The following CPT1C variants were observed in gnomAD, a reference collection of about 807,000 sequenced individuals.
CPT1C encodes carnitine palmitoyltransferase 1C.
In CPT1C, 61 loss-of-function variants were observed where a neutral mutation model predicts 97.3. The observed-to-expected ratio is 0.63, with a 90% CI of 0.51 to 0.78. CPT1C has a LOEUF of 0.78. CPT1C is among the 30% of genes least tolerant of loss of function. CPT1C has a pLI of 0.00. For synonymous variants in CPT1C, 469 were observed against 447.2 expected (o/e 1.05, Z -0.61); for missense variants, 975 against 1,065.5 (o/e 0.92, Z 1.18).
In CPT1C at chr19:49,700,704, T is replaced by G. The variant is rs1252613313; in HGVS notation, c.302T>G (p.Leu101Arg). Residue 101 changes from leucine to arginine, a missense_variant, in exon 5 of 20, where the codon CTC becomes CGC. Around this residue, in one of 3 missense-constraint regions of CPT1C, gnomAD observed 596 missense variants for 603.1 expected, o/e 0.99. Coordinates refer to ENST00000598293, the MANE Select transcript of CPT1C (RefSeq NM_001199753.2). ...LPDWGGQHHGLRGVLAAALFA... is the reference protein window; with the variant it reads ...LPDWGGQHHGRRGVLAAALFA... ...CGCAGGGGTGGACAACACCACGGGCTCCGGGGGGTCCTGGCAGCCGCGCTG... is the reference window on the plus strand; with the variant it reads ...CGCAGGGGTGGACAACACCACGGGCGCCGGGGGGTCCTGGCAGCCGCGCTG... The G allele has an allele frequency of 6.2e-7, 1 of 1,609,936 alleles. No individual in the cohort carries two copies. Among genetic ancestry groups the G allele is most frequent in the Non-Finnish European group, 8.5e-7 (1 of 1,180,018 alleles).
rs1245619458 is a variant in CPT1C at position 49,702,110 on chromosome 19, A to T, written c.693+476A>T. On this transcript the variant is annotated intron_variant, in intron 7 of 19. Coordinates refer to ENST00000598293, the MANE Select transcript of CPT1C (RefSeq NM_001199753.2). ...ATATTTATTTATAAATTATAAATAT[A>T]TATTTATTTATTTATAAATTATAAA... Among the ~76,000 whole-genome samples the T allele has an allele frequency of 1.3e-3, 40 of 31,758 alleles. 9 individuals carry two copies. Among genetic ancestry groups the T allele is most frequent in the Non-Finnish European group, 2.8e-3 (33 of 11,694 alleles). 20.8% of individuals were successfully genotyped at this position (31,758 alleles called of 152,430 possible). A position where few individuals can be genotyped will look rare whatever the true frequency, so the allele number is the denominator to read the frequency against.
At chr19:49,695,058 G>A (rs998876225) in intron 3 of CPT1C, among the ~76,000 whole-genome samples, 3 of 151,016 alleles carry the variant, frequency 2.0e-5, no homozygotes, top group Non-Finnish European at 4.4e-5. Context: ...GGAGAATGGC[G>A]TGAACCCAGG....
Position 49,713,048 on chromosome 19 carries a change from A to T in CPT1C, c.2210A>T (p.Lys737Ile). Residue 737 changes from lysine to isoleucine, a missense_variant, in exon 19 of 20, where the codon AAA (lysine) becomes ATA (isoleucine). By Grantham distance (102) the Lys-to-Ile change is moderately radical. Around this residue, in one of 3 missense-constraint regions of CPT1C, gnomAD observed 344 missense variants for 395.7 expected, o/e 0.87. Coordinates refer to ENST00000598293, the MANE Select transcript of CPT1C (RefSeq NM_001199753.2). ...GMITFHISSK[K>I]SSTKTDSHRL... ...ATCACCTTCCACATCTCCAGCAAAA[A>T]ATCAAGCACAAAAACGGTGAGACAA... 1 of 1,613,916 alleles carries T rather than the reference A, an allele frequency of 6.2e-7. No homozygotes were observed.
At chr19:49,700,178 C>T (rs541452701) in intron 4 of CPT1C, among the ~76,000 whole-genome samples, 1 of 143,970 alleles carries the variant, frequency 6.9e-6, no homozygotes, top group South Asian at 2.3e-4. Context: ...ACCCAGGAGG[C>T]GGAGCTTGCA....
At chr19:49,701,967 TA>T (rs1331960804) in intron 7 of CPT1C, among the ~76,000 whole-genome samples, 1 of 91,858 alleles carries the variant, frequency 1.1e-5, no homozygotes, top group Non-Finnish European at 1.9e-5. Flanking sequence ...TATTTATATA[TA>T]AATTTATAAA....
chr19:49,710,921 G>A (rs10404778), intron 16 of CPT1C, 64 bp downstream of exon 16: 40,506 of 1,536,124 alleles, frequency 0.026, 687 homozygotes, highest in African/African-American at 0.055. Flanking sequence ...ACTTGCAAAC[G>A]TTGATGGGAC....
At chr19:49,708,922 AC>A in intron 14 of CPT1C, 83 bp downstream of exon 14, 1 of 892,132 alleles carries the variant, frequency 1.1e-6, no homozygotes, top group South Asian at 1.4e-5. Flanking sequence ...CCTAATCTGA[AC>A]GTGAAAATCA....
rs2083399140 is a variant in CPT1C at position 49,704,666 on chromosome 19, C to T, written c.694-44C>T. 2.0e-6 allele frequency: 3 copies of T among 1,491,448 alleles called. No individual in the cohort carries two copies. The East Asian group carries it at 6.8e-5, about 34-fold the overall frequency. The allele number at this position is 1,491,448 out of a possible 1,614,324, so 92.4% of individuals were successfully genotyped here. A position where few individuals can be genotyped will look rare whatever the true frequency, so the allele number is the denominator to read the frequency against. ...CCCTGTCCTACTGTCCCTCCCCCAA[C>T]AGGCCCCAGCCCCTCACTGTGTGTC... On this transcript the variant is annotated intron_variant, in intron 7 of 19. Transcript: ENST00000598293.
chr19:49,693,937 T>C (rs1207583739), intron 3 of CPT1C, among the ~76,000 whole-genome samples: 6 of 152,120 alleles, frequency 3.9e-5, no homozygotes, highest in African/African-American at 7.2e-5. Flanking sequence ...TGGTAGTGGG[T>C]GCCTGTAGTT....
At position 49,700,870 on chromosome 19, in the gene CPT1C, T is replaced by G. The variant is rs1934638169; in HGVS notation, c.453+15T>G. Reference sequence around the variant, plus strand: ...AGACCTGGCTGGTATGGGAGGGGCATAGCCCTGCTCAGGCTCTCCTGGGAC... The same window carrying G: ...AGACCTGGCTGGTATGGGAGGGGCAGAGCCCTGCTCAGGCTCTCCTGGGAC... On this transcript the variant is annotated intron_variant, in intron 5 of 19. Coordinates refer to ENST00000598293, the MANE Select transcript of CPT1C (RefSeq NM_001199753.2). 6.2e-7 allele frequency: 1 copy of G among 1,609,792 alleles called. No homozygotes were observed. Among genetic ancestry groups the G allele is most frequent in the African/African-American group, 1.3e-5 (1 of 75,032 alleles).
Position 49,706,401 on chromosome 19 carries a change from G to T in CPT1C, c.1331G>T (p.Arg444Leu). The change falls in exon 12 of 20, where the codon CGG (arginine) becomes CTG (leucine). Residue 444 changes from arginine (R) to leucine (L), a missense_variant. Physicochemically the swap from Arg to Leu is moderately radical, Grantham distance 102 (BLOSUM62 -2). This residue lies in a region of CPT1C where 596 missense variants were observed against 603.1 expected (regional missense o/e 0.99). Transcript: ENST00000598293. This position sits in a 1 kb window ranked among gnomAD's most constrained non-coding sequence, Gnocchi z 4.8. ...TACGCCCATGCTCTGCTGGCCGGCCGGGGCCATGATCGGTGAGTGAGTCTT... is the reference window on the plus strand; with the variant it reads ...TACGCCCATGCTCTGCTGGCCGGCCTGGGCCATGATCGGTGAGTGAGTCTT... ...DAYAHALLAG[R>L]GHDRWFDKSF... is the part of the protein sequence containing the mutation. 3.4e-6 allele frequency: 5 copies of T among 1,487,018 alleles called. No individual in the cohort carries two copies. Among genetic ancestry groups the T allele is most frequent in the Non-Finnish European group, 4.4e-6 (5 of 1,126,134 alleles). 92.1% of individuals were successfully genotyped at this position (1,487,018 alleles called of 1,614,324 possible).
In CPT1C at chr19:49,705,050, C is replaced by T; in HGVS notation, c.815C>T (p.Ala272Val). 6.2e-7 allele frequency: 1 copy of T among 1,610,990 alleles called. No individual in the cohort carries two copies. The highest frequency in any genetic ancestry group is 8.5e-7 in the Non-Finnish European group (1 of 1,177,750). ...VTPTPLQAAR[A>V]GNAVHALLLY... ...CCCACGCCTCTGCAGGCAGCTCGCG[C>T]TGGGAATGCCGTCCATGCCCTCCTC... Residue 272 changes from alanine to valine, a missense_variant, in exon 9 of 20, where the codon GCT becomes GTT. This residue lies in a region of CPT1C where 596 missense variants were observed against 603.1 expected (regional missense o/e 0.99). Coordinates refer to ENST00000598293, the MANE Select transcript of CPT1C (RefSeq NM_001199753.2).
In CPT1C at chr19:49,713,588, A is replaced by G; in HGVS notation, c.2395A>G (p.Thr799Ala). ...RQTGASKASM[T>A]STDF is the part of the protein sequence containing the mutation. ...GACTGGGGCCTCCAAGGCCTCAATG[A>G]CATCCACCGACTTCTGACTCCTTCC... Residue 799 changes from threonine to alanine, a missense_variant, in exon 20 of 20, where the codon ACA becomes GCA. Physicochemically the swap from Thr to Ala is moderately conservative, Grantham distance 58. This residue lies in a region of CPT1C where 344 missense variants were observed against 395.7 expected (regional missense o/e 0.87). Transcript: ENST00000598293. 1.2e-6 allele frequency: 2 copies of G among 1,610,908 alleles called. No homozygotes were observed. The highest frequency in any genetic ancestry group is 1.7e-6 in the Non-Finnish European group (2 of 1,178,560).
At chr19:49,710,293 T>G in intron 14 of CPT1C, 27 bp from the exon 15 acceptor site, 1 of 1,610,424 alleles carries the variant, frequency 6.2e-7, no homozygotes, top group Non-Finnish European at 8.5e-7. Flanking sequence ...TAACCCCAAC[T>G]ACTCCTCTTC....
chr19:49,707,485 C>T, intron 12 of CPT1C, 33 bp from the exon 13 acceptor site: 1 of 1,534,342 alleles, frequency 6.5e-7, no homozygotes, highest in Non-Finnish European at 9.0e-7. Flanking sequence ...GTGCCCCTCG[C>T]TCTTGGTGAC....
intron 14 of CPT1C, among the ~76,000 whole-genome samples, chr19:49,709,792 G>C (rs1014915433): frequency 3.3e-5 from 5 of 151,734 alleles, no homozygotes; most frequent in Admixed American, 6.6e-5. Context: ...CTGACCTCAG[G>C]TGATCCAGCC....
chr19:49,708,795 AC>A lies in CPT1C; in HGVS notation c.1523del (p.Thr508AsnfsTer22). ...DGHCKGHPDP[T>X]LPQPQRLQWD... Reference sequence around the variant, plus strand: ...CCACTGCAAGGGGCACCCGGACCCCACACTACCCCAGCCCCAGCGGCTGCAA... The same window carrying A: ...CCACTGCAAGGGGCACCCGGACCCCAACTACCCCAGCCCCAGCGGCTGCAA... On this transcript the variant is annotated frameshift_variant, in exon 14 of 20. Transcript: ENST00000598293. LOFTEE classifies it high-confidence loss of function. The A allele has an allele frequency of 4.3e-6, 7 of 1,613,944 alleles. No homozygotes were observed. Among genetic ancestry groups the A allele is most frequent in the Non-Finnish European group, 5.1e-6 (6 of 1,179,946 alleles).
Position 49,706,333 on chromosome 19 carries a change from C to A in CPT1C, c.1263C>A (p.Pro421=). ...TCTTTGTGTCACTGGATGCTGAGCC[C>A]GCGGGGCTCACCAGGGAGGACCCGG... The part of the protein sequence containing the change: ...AAFFVSLDAE[P]AGLTREDPAA... The change falls in exon 12 of 20, where the codon CCC becomes CCA. Residue 421 remains proline, a synonymous_variant. Coordinates refer to ENST00000598293, the MANE Select transcript of CPT1C (RefSeq NM_001199753.2). This position sits in a 1 kb window ranked among gnomAD's most constrained non-coding sequence, Gnocchi z 4.8. 1 of 1,523,564 alleles carries A rather than the reference C, an allele frequency of 6.6e-7. No homozygotes were observed. Among genetic ancestry groups the A allele is most frequent in the Non-Finnish European group, 8.8e-7 (1 of 1,140,504 alleles). 94.4% of individuals were successfully genotyped at this position (1,523,564 alleles called of 1,614,324 possible).
rs1206744484 is a variant in CPT1C, at chr19:49,701,052, T to C, written c.453+197T>C. Among the ~76,000 whole-genome samples, 3 of 107,282 alleles carry C rather than the reference T, an allele frequency of 2.8e-5. No individual in the cohort carries two copies. In the East Asian group the frequency reaches 1.2e-3, roughly 42 times the overall value. The allele number at this position is 107,282 out of a possible 152,430, so 70.4% of individuals were successfully genotyped here. ...CTCTCTGGGTCTCTGTCCCCCTCTCTCTCTGTGTCTCCGTCCCCCCCTCTG... is the reference window on the plus strand; with the variant it reads ...CTCTCTGGGTCTCTGTCCCCCTCTCCCTCTGTGTCTCCGTCCCCCCCTCTG... On this transcript the variant is annotated intron_variant, in intron 5 of 19. Transcript: ENST00000598293.
Sources: gnomAD v4.1 joint callset for allele counts (sites outside exome capture counted in the v4.1 genomes callset) on GRCh38, gnomAD v4.1.1 for gene constraint, gnomAD v4.1.1 regional missense constraint, Gnocchi (gnomAD v3.1) non-coding constraint, MANE v1.5 for transcripts, NCBI Gene and HGNC (gene_info 2026-07-23, HGNC 2026-07-21) for gene names.